Variants in ELF2 observed in about 807,000 individuals in gnomAD.
ELF2 encodes the protein ETS-related transcription factor Elf-2.
In ELF2, 11 loss-of-function variants were observed where a neutral mutation model predicts 54.8. That is an observed-to-expected ratio of 0.20 (90% CI 0.13 to 0.33). ELF2 has a LOEUF of 0.33. Among genes scored for constraint, ELF2 ranks in the 10% least tolerant of loss-of-function variants. The probability of loss-of-function intolerance (pLI) is 1.00; values close to 1 mark genes in which losing one functional copy is unlikely to be tolerated. For synonymous variants in ELF2, 203 were observed against 245.1 expected, an observed-to-expected ratio of 0.83 and a Z score of 1.61; for missense variants, 513 against 703.0, an observed-to-expected ratio of 0.73 and a Z score of 3.06.
intron 4 of ELF2, among the ~76,000 whole-genome samples, chr4:139,092,733 G>T (rs183796285): frequency 1.3e-5 from 2 of 151,268 alleles, no homozygotes; most frequent in Non-Finnish European, 2.9e-5. Flanking sequence ...CCTGGGAGGC[G>T]GAGCTTGCAG....
At chr4:139,072,874 G>A (rs1729723023) in intron 5 of ELF2, among the ~76,000 whole-genome samples, 1 of 152,180 alleles carries the variant, frequency 6.6e-6, no homozygotes, top group Non-Finnish European at 1.5e-5. Flanking sequence ...ATGAGAAGGT[G>A]AGCCAGTATT....
intron 8 of ELF2, 29 bp from the exon 9 acceptor site, chr4:139,060,703 C>A: frequency 6.5e-7 from 1 of 1,540,370 alleles, no homozygotes; most frequent in South Asian, 1.3e-5. Flanking sequence ...CCAAATGAAT[C>A]AAGTATATTA....
intron 1 of ELF2, among the ~76,000 whole-genome samples, chr4:139,160,369 T>G (rs1298231090): frequency 1.3e-5 from 2 of 152,114 alleles, no homozygotes; most frequent in Non-Finnish European, 2.9e-5. Flanking sequence ...GATCTCAGAG[T>G]CATGTGTAAA....
chr4:139,077,067 C>G (rs1014661440), intron 4 of ELF2, among the ~76,000 whole-genome samples: 1 of 152,114 alleles, frequency 6.6e-6, no homozygotes, highest in East Asian at 1.9e-4. Flanking sequence ...TGTGCCCAGA[C>G]CCTGTGCTAT....
At chr4:139,156,914 A>G (rs539989949) in intron 1 of ELF2, among the ~76,000 whole-genome samples, 1 of 152,180 alleles carries the variant, frequency 6.6e-6, no homozygotes, top group Non-Finnish European at 1.5e-5. Flanking sequence ...GATTTCAGGC[A>G]TGAGCCACCA....
intron 4 of ELF2, chr4:139,084,614 CAG>C (rs1731767624): frequency 5.9e-6 from 1 of 170,516 alleles, no homozygotes; most frequent in East Asian, 1.8e-4. Flanking sequence ...CGCGAGGACA[CAG>C]CCCCTCGGCA....
chr4:139,126,958 G>A (rs1736985341), intron 3 of ELF2, among the ~76,000 whole-genome samples: 1 of 152,144 alleles, frequency 6.6e-6, no homozygotes, highest in African/African-American at 2.4e-5. Flanking sequence ...TGCTAGCTAT[G>A]CACCAGATTT....
At chr4:139,110,403 A>G (rs545457313) in intron 4 of ELF2, among the ~76,000 whole-genome samples, 2 of 152,326 alleles carry the variant, frequency 1.3e-5, no homozygotes, top group Middle Eastern at 3.4e-3. Context: ...AAAACTAACT[A>G]AAGATAAAAC....
chr4:139,156,507 T>C (rs1740555435), intron 1 of ELF2, among the ~76,000 whole-genome samples: 1 of 152,134 alleles, frequency 6.6e-6, no homozygotes, highest in African/African-American at 2.4e-5. Flanking sequence ...TTGTGTGGTA[T>C]ACACATGGTC....
At chr4:139,092,837 A>G (rs1235112443) in intron 4 of ELF2, among the ~76,000 whole-genome samples, 1 of 151,900 alleles carries the variant, frequency 6.6e-6, no homozygotes, top group Non-Finnish European at 1.5e-5. Flanking sequence ...ATAATTAAAA[A>G]ATAGTATTAT....
chr4:139,164,013 C>G (rs1435102383), intron 1 of ELF2, among the ~76,000 whole-genome samples: 1 of 127,608 alleles, frequency 7.8e-6, no homozygotes, highest in Admixed American at 9.3e-5. Flanking sequence ...GGGGCAAGGG[C>G]AAGAGAAAGA....
chr4:139,115,374 T>G, intron 4 of ELF2: 3 of 1,069,010 alleles, frequency 2.8e-6, no homozygotes, highest in Non-Finnish European at 1.1e-6. Flanking sequence ...CTGTCCGCCA[T>G]GGCGGCCGCC....
At chr4:139,170,888 G>A (rs973033296) in intron 1 of ELF2, among the ~76,000 whole-genome samples, 16 of 151,876 alleles carry the variant, frequency 1.1e-4, no homozygotes, top group African/African-American at 3.9e-4. Context: ...TGAGATTACA[G>A]GCATGCGCCA....
rs141717557 is a variant in ELF2 at position 139,122,621 on chromosome 4, C to G, written c.238+2543G>C. ...AGTTCAAGCGAGTCTCCTGCCTCAG[C>G]CTCCCAAGTATCTGGGACTACAGAC... is the stretch of plus-strand genomic sequence containing the variant. On this transcript the variant is annotated intron_variant, in intron 4 of 9. Transcript: ENST00000686138. 1.7e-3 allele frequency among the ~76,000 whole-genome samples: 264 copies of G among 152,148 alleles called. 2 individuals carry two copies. The highest frequency in any genetic ancestry group is 6.1e-3 in the African/African-American group (253 of 41,526).
chr4:139,132,841 C>CATATATATATAT (rs58765596), intron 3 of ELF2, among the ~76,000 whole-genome samples: 300 of 114,968 alleles, frequency 2.6e-3, no homozygotes, highest in African/African-American at 7.6e-3. Context: ...TATTACTTTA[C>CATATATATATAT]ATATATATAT....
chr4:139,152,331 T>A (rs142997547), intron 1 of ELF2, among the ~76,000 whole-genome samples: 1 of 152,048 alleles, frequency 6.6e-6, no homozygotes, highest in Non-Finnish European at 1.5e-5. Flanking sequence ...TAATTTGTAG[T>A]CTACACCATT....
chr4:139,126,662 C>G (rs1361101825), intron 3 of ELF2, among the ~76,000 whole-genome samples: 1 of 152,128 alleles, frequency 6.6e-6, no homozygotes, highest in Non-Finnish European at 1.5e-5. Flanking sequence ...GACAGTTGAG[C>G]AATTTCTTCA....
At chr4:139,089,959 TCA>T (rs1207734908) in intron 4 of ELF2, among the ~76,000 whole-genome samples, 1 of 152,358 alleles carries the variant, frequency 6.6e-6, no homozygotes, top group South Asian at 2.1e-4. Flanking sequence ...GGTATGGGTC[TCA>T]CTCTGTCACT....
At chr4:139,147,076 G>C (rs573346717) in intron 1 of ELF2, among the ~76,000 whole-genome samples, 69 of 152,132 alleles carry the variant, frequency 4.5e-4, no homozygotes, top group African/African-American at 1.6e-3. Flanking sequence ...ATAATAATCA[G>C]CATCATCATC....
Sources: gnomAD v4.1 joint callset for allele counts (sites outside exome capture counted in the v4.1 genomes callset) on GRCh38, gnomAD v4.1.1 for gene constraint, MANE v1.5 for transcripts, NCBI Gene and HGNC (gene_info 2026-07-23, HGNC 2026-07-21) for gene names.